NRCAM: variants seen among roughly 807,000 people sequenced by gnomAD.
NRCAM encodes NgCAM-related cell adhesion molecule.
In NRCAM, 83 loss-of-function variants were observed where a neutral mutation model predicts 156.5. The observed-to-expected ratio is 0.53, with a 90% CI of 0.44 to 0.64. NRCAM has a LOEUF of 0.64. Ranked by LOEUF, NRCAM falls within the 30% of genes least tolerant of loss-of-function variation. The pLI, the probability that NRCAM is intolerant of heterozygous loss-of-function variation, is 0.00. For synonymous variants in NRCAM, 538 were observed against 563.9 expected, an observed-to-expected ratio of 0.95 and a Z score of 0.65; for missense variants, 1,417 against 1,597.3, an observed-to-expected ratio of 0.89 and a Z score of 1.92.
chr7:108,333,700 A>C (rs992321580), intron 2 of NRCAM, among the ~76,000 whole-genome samples: 1 of 152,192 alleles, frequency 6.6e-6, no homozygotes, highest in Admixed American at 6.5e-5. Flanking sequence ...CCCTAACCCA[A>C]GAAATTCAGA....
intron 2 of NRCAM, among the ~76,000 whole-genome samples, chr7:108,387,954 A>G (rs2099746617): frequency 6.6e-6 from 1 of 152,098 alleles, no homozygotes; most frequent in Admixed American, 6.6e-5. Context: ...AATCCAGTCG[A>G]TCATTGATGG....
At chr7:108,280,304 T>C (rs2097801375) in intron 3 of NRCAM, among the ~76,000 whole-genome samples, 1 of 144,266 alleles carries the variant, frequency 6.9e-6, no homozygotes, top group Non-Finnish European at 1.5e-5. Context: ...AGGAAGAGGC[T>C]TCATATGTGA....
At chr7:108,294,661 G>A (rs1022615242) in intron 3 of NRCAM, among the ~76,000 whole-genome samples, 1 of 152,192 alleles carries the variant, frequency 6.6e-6, no homozygotes, top group East Asian at 1.9e-4. Flanking sequence ...GAAGGAAAAT[G>A]GGCACTTCAT....
intron 3 of NRCAM, among the ~76,000 whole-genome samples, chr7:108,284,753 G>C (rs111379994): frequency 6.6e-6 from 1 of 152,106 alleles, no homozygotes; most frequent in African/African-American, 2.4e-5. Context: ...ATTTTCACTC[G>C]CATAGACATA....
chr7:108,258,469 C>A (rs1044892322), intron 3 of NRCAM, among the ~76,000 whole-genome samples: 1 of 152,092 alleles, frequency 6.6e-6, no homozygotes, highest in African/African-American at 2.4e-5. Context: ...AGGGAAAGAC[C>A]CCAATTCAGA....
chr7:108,150,670 G>A (rs1352507164), intron 32 of NRCAM: 1 of 528,502 alleles, frequency 1.9e-6, no homozygotes, highest in South Asian at 1.4e-5. Flanking sequence ...ATCAATGCAG[G>A]CCAGACTGTA....
At chr7:108,243,976 G>GTA (rs1241198287) in intron 3 of NRCAM, among the ~76,000 whole-genome samples, 1 of 152,068 alleles carries the variant, frequency 6.6e-6, no homozygotes, top group African/African-American at 2.4e-5. Context: ...TACTTACTAT[G>GTA]TATTTCAAAA....
chr7:108,284,879 C>T (rs575181181), intron 3 of NRCAM, among the ~76,000 whole-genome samples: 5 of 152,200 alleles, frequency 3.3e-5, no homozygotes, highest in Admixed American at 6.5e-5. Flanking sequence ...TTGTGCTGCA[C>T]GCACTTAGCA....
intron 2 of NRCAM, among the ~76,000 whole-genome samples, chr7:108,323,805 G>A (rs1048445412): frequency 3.3e-5 from 5 of 151,876 alleles, no homozygotes; most frequent in African/African-American, 9.7e-5. Context: ...GATAAAGAGG[G>A]GCTGCAATTT....
At chr7:108,263,675 C>A (rs1252775844) in intron 3 of NRCAM, among the ~76,000 whole-genome samples, 1 of 152,194 alleles carries the variant, frequency 6.6e-6, no homozygotes, top group Non-Finnish European at 1.5e-5. Flanking sequence ...AGCTAGAAGT[C>A]ATTCATCTGA....
rs17155739 is a variant in NRCAM, at chr7:108,431,980, A to G, written c.-332+24263T>C. ...CAGTCACTTCTTTGCCCAACCTGTC[A>G]AAGTTTTAAAGTTATCAGATAGGTG... On this transcript the variant is annotated intron_variant, in intron 1 of 32. Transcript: ENST00000379028. 5.1e-3 allele frequency among the ~76,000 whole-genome samples: 776 copies of G among 152,316 alleles called. 9 individuals carry two copies. Among genetic ancestry groups the G allele is most frequent in the African/African-American group, 0.018 (749 of 41,554 alleles).
intron 3 of NRCAM, among the ~76,000 whole-genome samples, chr7:108,286,922 C>T (rs963994090): frequency 2.0e-5 from 3 of 151,994 alleles, no homozygotes; most frequent in African/African-American, 7.2e-5. Flanking sequence ...TTATAAGGCA[C>T]GTGAAAGAGG....
chr7:108,452,600 A>G (rs528926003), intron 1 of NRCAM, among the ~76,000 whole-genome samples: 18 of 152,346 alleles, frequency 1.2e-4, no homozygotes, highest in Admixed American at 2.6e-4. Flanking sequence ...GTAGGGAAGC[A>G]TAAAATTTTA....
intron 2 of NRCAM, among the ~76,000 whole-genome samples, chr7:108,396,490 G>C (rs2099777277): frequency 6.6e-6 from 1 of 152,212 alleles, no homozygotes; most frequent in African/African-American, 2.4e-5. Flanking sequence ...AGATTGCAAT[G>C]TAATTGACCA....
intron 2 of NRCAM, among the ~76,000 whole-genome samples, chr7:108,393,333 G>C (rs907439396): frequency 6.6e-6 from 1 of 152,162 alleles, no homozygotes; most frequent in African/African-American, 2.4e-5. Flanking sequence ...CTAGCAACAA[G>C]CAAGGCTCTG....
chr7:108,237,809 G>A, intron 4 of NRCAM, 40 bp from the exon 5 acceptor site: 2 of 1,528,242 alleles, frequency 1.3e-6, no homozygotes, highest in Non-Finnish European at 8.9e-7. Flanking sequence ...TGGGCAAAGA[G>A]GATTAAAGAA....
chr7:108,414,639 G>C (rs891331729), intron 1 of NRCAM, among the ~76,000 whole-genome samples: 1 of 152,344 alleles, frequency 6.6e-6, no homozygotes, highest in Admixed American at 6.5e-5. Context: ...AAATTGTTCA[G>C]TGTTTTAGAA....
intron 25 of NRCAM, 31 bp from the exon 26 acceptor site, chr7:108,178,143 G>T (rs201039555): frequency 5.9e-4 from 938 of 1,602,794 alleles, no homozygotes; most frequent in Non-Finnish European, 7.6e-4. Context: ...TCAACACAAA[G>T]ATTTCTGAAT....
At chr7:108,155,101 TACAC>T (rs58111040) in intron 32 of NRCAM, among the ~76,000 whole-genome samples, 3,155 of 122,866 alleles carry the variant, frequency 0.026, 62 homozygotes, top group African/African-American at 0.062. Context: ...TATATATATA[TACAC>T]ACACACACAC....
Sources: gnomAD v4.1 joint callset for allele counts (sites outside exome capture counted in the v4.1 genomes callset) on GRCh38, gnomAD v4.1.1 for gene constraint, MANE v1.5 for transcripts, NCBI Gene and HGNC (gene_info 2026-07-23, HGNC 2026-07-21) for gene names.